PHACTR3: variants seen among roughly 807,000 people sequenced by gnomAD.
PHACTR3 encodes the protein protein phosphatase 1, regulatory subunit 123.
Under a neutral mutation model 66.8 loss-of-function variants are expected in PHACTR3, and 16 were observed. The observed-to-expected ratio is 0.24, with a 90% CI of 0.16 to 0.36. PHACTR3 has a LOEUF of 0.36. PHACTR3 is among the 10% of genes least tolerant of loss of function. PHACTR3 has a pLI of 1.00. For synonymous variants in PHACTR3, 323 were observed against 292.1 expected (o/e 1.11, Z -1.08); for missense variants, 647 against 719.9 (o/e 0.90, Z 1.16).
intron 1 of PHACTR3, among the ~76,000 whole-genome samples, chr20:59,698,249 AT>A (rs1386547404): frequency 6.6e-6 from 1 of 152,194 alleles, no homozygotes; most frequent in Non-Finnish European, 1.5e-5. Context: ...CCCCAACAAA[AT>A]AATATCATAT....
At chr20:59,605,882 G>C (rs1350194422) in intron 1 of PHACTR3, among the ~76,000 whole-genome samples, 1 of 150,226 alleles carries the variant, frequency 6.7e-6, no homozygotes, top group Non-Finnish European at 1.5e-5. Flanking sequence ...GGCTGTGTGC[G>C]CCTGTCACCA....
intron 1 of PHACTR3, chr20:59,577,625 C>T (rs1242374073): frequency 1.7e-6 from 2 of 1,208,044 alleles, no homozygotes; most frequent in Non-Finnish European, 2.1e-6. Flanking sequence ...AAGGTAAGCG[C>T]GCGCTGCGGG....
chr20:59,785,862 CT>C (rs59480380), intron 7 of PHACTR3, among the ~76,000 whole-genome samples: 129,563 of 150,314 alleles, frequency 0.86, 56,711 homozygotes, highest in Non-Finnish European at 0.95. Flanking sequence ...GCATCCCCTG[CT>C]TCTGCATCCC....
chr20:59,770,950 C>T (rs1601315883), intron 5 of PHACTR3, among the ~76,000 whole-genome samples: 1 of 152,262 alleles, frequency 6.6e-6, no homozygotes, highest in South Asian at 2.1e-4. Context: ...TCTCAGCCCC[C>T]ACCTTTTCCT....
At chr20:59,774,699 C>G (rs1225041034) in intron 7 of PHACTR3, among the ~76,000 whole-genome samples, 1 of 151,354 alleles carries the variant, frequency 6.6e-6, no homozygotes, top group Non-Finnish European at 1.5e-5. Flanking sequence ...GAGCAAGGAA[C>G]TAGAAAATAC....
In PHACTR3 at chr20:59,792,807, C is replaced by G. The variant is rs185587585; in HGVS notation, c.1175-13234C>G. On this transcript the variant is annotated intron_variant, in intron 7 of 12. Transcript: ENST00000371015. ...ATTGGTCTGTGTGTCTGTTTTTATG[C>G]TGCTTTAGTTATTATACCAAAATAT... Among the ~76,000 whole-genome samples the G allele has an allele frequency of 1.0e-3, 155 of 152,272 alleles. 1 individual carries two copies. The highest frequency in any genetic ancestry group is 1.6e-3 in the Non-Finnish European group (106 of 68,016).
intron 1 of PHACTR3, among the ~76,000 whole-genome samples, chr20:59,610,579 A>T (rs2033816730): frequency 6.6e-6 from 1 of 152,272 alleles, no homozygotes; most frequent in African/African-American, 2.4e-5. Flanking sequence ...AAAATAAAAT[A>T]AATTAAGATT....
chr20:59,691,531 A>C, intron 1 of PHACTR3, among the ~76,000 whole-genome samples: 1 of 152,300 alleles, frequency 6.6e-6, no homozygotes, highest in Non-Finnish European at 1.5e-5. Context: ...CTTGCAACAA[A>C]GCCACATTGT....
chr20:59,619,048 G>T (rs1198219329), intron 1 of PHACTR3, among the ~76,000 whole-genome samples: 1 of 152,172 alleles, frequency 6.6e-6, no homozygotes, highest in Admixed American at 6.5e-5. Flanking sequence ...AGGGGTGGAT[G>T]CTCACTACCT....
chr20:59,741,754 C>CTTTTTTTTTT (rs5842281), intron 1 of PHACTR3, among the ~76,000 whole-genome samples: 4 of 139,390 alleles, frequency 2.9e-5, no homozygotes. Flanking sequence ...TTCTTTCTTT[C>CTTTTTTTTTT]TTTTTTTTTT....
rs1601231226 is a variant in PHACTR3 at position 59,738,928 on chromosome 20, G to T, written c.119-4179G>T. Among the ~76,000 whole-genome samples the T allele has an allele frequency of 6.6e-6, 1 of 152,272 alleles. No individual in the cohort carries two copies. Among genetic ancestry groups the T allele is most frequent in the East Asian group, 1.9e-4 (1 of 5,186 alleles). Reference sequence around the variant, plus strand: ...CCTCGTGCAAAGCATGCTCAGGACAGCAGGCTTTCCCAGGGCCATGTGGAG... The same window carrying T: ...CCTCGTGCAAAGCATGCTCAGGACATCAGGCTTTCCCAGGGCCATGTGGAG... On this transcript the variant is annotated intron_variant, in intron 1 of 12. Transcript: ENST00000371015. This position sits in a 1 kb window ranked among gnomAD's most constrained non-coding sequence, Gnocchi z 4.4.
At position 59,656,718 on chromosome 20, in the gene PHACTR3, A is replaced by G. The variant is rs1120468; in HGVS notation, c.118+51586A>G. 7.8e-3 allele frequency among the ~76,000 whole-genome samples: 1,177 copies of G among 150,516 alleles called. 17 individuals carry two copies. Among genetic ancestry groups the G allele is most frequent in the African/African-American group, 0.027 (1,098 of 41,072 alleles). On this transcript the variant is annotated intron_variant, in intron 1 of 12. Transcript: ENST00000371015. ...TCTCTCATGCCTTTTTTGTTCCTCT[A>G]TTTTTCCTTTACTGCTTTATTTGGC...
At chr20:59,844,340 T>G (rs529391715) in intron 11 of PHACTR3, 2 of 152,054 alleles carry the variant, frequency 1.3e-5, no homozygotes, top group African/African-American at 4.8e-5. Context: ...AATCAGTACA[T>G]TGAAGAGATA....
intron 3 of PHACTR3, among the ~76,000 whole-genome samples, chr20:59,748,324 C>T (rs7268596): frequency 0.054 from 8,217 of 152,120 alleles, 338 homozygotes; most frequent in African/African-American, 0.12. Context: ...GTCTTCCCAG[C>T]ATCCCTGGGG....
chr20:59,622,190 G>A (rs1052100872), intron 1 of PHACTR3, among the ~76,000 whole-genome samples: 1 of 150,560 alleles, frequency 6.6e-6, no homozygotes, highest in African/African-American at 2.5e-5. Context: ...TTTTTTGAAA[G>A]GCTGAAAGGG....
At chr20:59,739,747 C>CTT (rs2039084058) in intron 1 of PHACTR3, among the ~76,000 whole-genome samples, 1 of 152,048 alleles carries the variant, frequency 6.6e-6, no homozygotes, top group South Asian at 2.1e-4. Flanking sequence ...TATCAGCACT[C>CTT]TATTAGTAAT....
intron 1 of PHACTR3, among the ~76,000 whole-genome samples, chr20:59,627,363 A>G (rs150944228): frequency 4.2e-4 from 64 of 152,314 alleles, no homozygotes; most frequent in African/African-American, 9.1e-4. Flanking sequence ...GGAGAATCCA[A>G]TTAAGATGGT....
chr20:59,764,888 C>G (rs1014145096), intron 4 of PHACTR3, among the ~76,000 whole-genome samples: 1 of 152,214 alleles, frequency 6.6e-6, no homozygotes, highest in African/African-American at 2.4e-5. Flanking sequence ...AAAACTAGGC[C>G]TGGGCTGGCT....
chr20:59,840,267 C>T, intron 9 of PHACTR3, 102 bp from the exon 10 acceptor site: 1 of 1,485,502 alleles, frequency 6.7e-7, no homozygotes, highest in Non-Finnish European at 8.9e-7. Context: ...ACTTCAGCTC[C>T]CAGAAATATG....
Sources: allele counts gnomAD v4.1 joint callset (sites outside exome capture counted in the v4.1 genomes callset), GRCh38; gene constraint gnomAD v4.1.1; non-coding constraint Gnocchi (gnomAD v3.1); transcripts MANE v1.5; gene names NCBI Gene and HGNC (gene_info 2026-07-23, HGNC 2026-07-21).